Variants in CTBP2 observed in about 807,000 individuals in gnomAD.
The protein encoded by CTBP2 is C-terminal binding protein 2, also known as C-terminal-binding protein 2.
CTBP2 carries 30 observed loss-of-function variants against 80.3 expected under a neutral mutation model. The ratio of observed to expected loss-of-function variants is 0.37; its 90% CI spans 0.28 to 0.51. CTBP2 has a LOEUF of 0.51. Among genes scored for constraint, CTBP2 ranks in the 20% least tolerant of loss-of-function variants. The probability of loss-of-function intolerance (pLI) is 0.93; values close to 1 mark genes in which losing one functional copy is unlikely to be tolerated. For synonymous variants in CTBP2, 594 were observed against 587.4 expected, an observed-to-expected ratio of 1.01 and a Z score of -0.16; for missense variants, 1,212 against 1,375.3, an observed-to-expected ratio of 0.88 and a Z score of 1.88.
At chr10:125,087,006 G>A (rs1848086844) in intron 2 of CTBP2, among the ~76,000 whole-genome samples, 1 of 150,950 alleles carries the variant, frequency 6.6e-6, no homozygotes, top group South Asian at 2.1e-4. Flanking sequence ...AGTCTGAAGA[G>A]ATCATGAGCC....
At chr10:125,031,855 C>T (rs537443879), upstream of CTBP2, among the ~76,000 whole-genome samples, 2 of 152,336 alleles carry the variant, frequency 1.3e-5, no homozygotes, top group East Asian at 3.9e-4. Context: ...AGAGTGACGT[C>T]GAGTGTCTGA....
rs1178502230 is a variant in CTBP2 at position 124,989,191 on chromosome 10, G to A, written c.*327C>T. 2 of 309,832 alleles carry A rather than the reference G, an allele frequency of 6.5e-6. No individual in the cohort carries two copies. Among genetic ancestry groups the A allele is most frequent in the Non-Finnish European group, 1.2e-5 (2 of 162,628 alleles). The allele number at this position is 309,832 out of a possible 1,614,324, so 19.2% of individuals were successfully genotyped here. ...ACTCTTGATGCAACATTGTAGAGCA[G>A]GGTGTTCAGGACCTGCTGTGCCCAA... On this transcript the variant is annotated 3_prime_UTR_variant, in exon 9 of 9. Transcript: ENST00000309035.
intron 2 of CTBP2, among the ~76,000 whole-genome samples, chr10:125,054,744 T>C (rs1221431019): frequency 6.6e-6 from 1 of 152,222 alleles, no homozygotes; most frequent in African/African-American, 2.4e-5. Context: ...ACATTTGTAA[T>C]GCATGGCGTC....
intron 2 of CTBP2, among the ~76,000 whole-genome samples, chr10:125,095,055 A>AG (rs1469374298): frequency 1.3e-5 from 2 of 152,122 alleles, no homozygotes; most frequent in African/African-American, 2.4e-5. Context: ...GCTGACCCAC[A>AG]GCCAAGTGTG....
At chr10:125,031,487 T>TAAAAA (rs1445636888), upstream of CTBP2, among the ~76,000 whole-genome samples, 7 of 12,012 alleles carry the variant, frequency 5.8e-4, no homozygotes, top group Non-Finnish European at 1.3e-3. Flanking sequence ...AGACTCCATT[T>TAAAAA]CAAAAAAAAA....
At chr10:125,006,938 C>A (rs373278051) in intron 1 of CTBP2, among the ~76,000 whole-genome samples, 127 of 152,352 alleles carry the variant, frequency 8.3e-4, no homozygotes, top group African/African-American at 2.9e-3. Flanking sequence ...GACCACAAGG[C>A]TGACAAGAGT....
intron 2 of CTBP2, among the ~76,000 whole-genome samples, chr10:125,041,499 TC>T: frequency 3.3e-5 from 1 of 30,360 alleles, no homozygotes; most frequent in African/African-American, 9.8e-5. Flanking sequence ...CTTTTGTCCA[TC>T]CCCACCCCCC....
intron 1 of CTBP2, among the ~76,000 whole-genome samples, chr10:125,122,156 G>A (rs775826925): frequency 2.8e-4 from 43 of 152,184 alleles, no homozygotes; most frequent in Non-Finnish European, 5.7e-4. Context: ...TGATTCATGC[G>A]CATCAAGTCA....
chr10:125,132,311 G>A (rs1056679077), intron 1 of CTBP2, among the ~76,000 whole-genome samples: 16 of 152,140 alleles, frequency 1.1e-4, no homozygotes, highest in African/African-American at 1.7e-4. Context: ...AAAAAATGCC[G>A]TCAATTAAAC....
intron 4 of CTBP2, chr10:124,996,193 C>T (rs1039633533): frequency 6.6e-6 from 1 of 151,948 alleles, no homozygotes; most frequent in Non-Finnish European, 1.5e-5. Context: ...TCACAGCGCC[C>T]CCCCCGGCCC....
chr10:125,009,108 AC>A lies in CTBP2; in HGVS notation c.1679-5617del, dbSNP rs1955577524. ...GGGTGGACGTGTCAGGTTATAAATG[AC>A]CCTGTGTCCTTTGTTGGGTGAACTC... On this transcript the variant is annotated intron_variant, in intron 1 of 8. Transcript: ENST00000309035. 2.0e-5 allele frequency among the ~76,000 whole-genome samples: 3 copies of A among 152,170 alleles called. No individual in the cohort carries two copies. The South Asian group carries it at 6.2e-4, about 32-fold the overall frequency.
rs1334068526 is a variant in CTBP2, at chr10:124,988,038, A to AAGTC, written c.*1476_*1479dup. The AAGTC allele has an allele frequency of 6.6e-6, 1 of 152,338 alleles. No homozygotes were observed. The highest frequency in any genetic ancestry group is 1.5e-5 in the Non-Finnish European group (1 of 68,010). 9.4% of individuals were successfully genotyped at this position (152,338 alleles called of 1,614,324 possible). On this transcript the variant is annotated 3_prime_UTR_variant, in exon 9 of 9. Coordinates refer to ENST00000309035, the MANE Select transcript of CTBP2 (RefSeq NM_022802.3). ...GGTCATTTTGCTTTGGGGTAGATTA[A>AAGTC]AGTCAGAACTCTAAAAGTTGAGCAA...
At chr10:125,098,657 G>A (rs1152680) in intron 2 of CTBP2, among the ~76,000 whole-genome samples, 1,637 of 44,818 alleles carry the variant, frequency 0.037, 68 homozygotes, top group East Asian at 0.16. Context: ...TGGGGGAGGG[G>A]GAGAGAGAGA....
intron 5 of CTBP2, among the ~76,000 whole-genome samples, 190 bp downstream of exon 7, chr10:124,994,279 C>T (rs577527050): frequency 4.6e-5 from 7 of 152,348 alleles, no homozygotes; most frequent in Non-Finnish European, 1.0e-4. Flanking sequence ...GCCTGTCCTT[C>T]TCTGCTTAGC....
intron 1 of CTBP2, among the ~76,000 whole-genome samples, chr10:125,119,670 A>C (rs1441861744): frequency 6.6e-6 from 1 of 152,256 alleles, no homozygotes; most frequent in Non-Finnish European, 1.5e-5. Flanking sequence ...TAAGAGACAG[A>C]ATAGATCCAA....
At position 124,985,146 on chromosome 10, in the gene CTBP2, G is replaced by A; in HGVS notation, c.*4372C>T. 1.7e-6 allele frequency: 1 copy of A among 603,516 alleles called. No homozygotes were observed. The highest frequency in any genetic ancestry group is 2.2e-5 in the South Asian group (1 of 45,334). The allele number at this position is 603,516 out of a possible 1,614,324, so 37.4% of individuals were successfully genotyped here. A position where few individuals can be genotyped will look rare whatever the true frequency, so the allele number is the denominator to read the frequency against. On this transcript the variant is annotated 3_prime_UTR_variant, in exon 9 of 9. Coordinates refer to ENST00000309035, the MANE Select transcript of CTBP2 (RefSeq NM_022802.3). Reference sequence around the variant, plus strand: ...TTTCCTGGACCACACACACCTTATGGAGATAATGCCTCTGCTGCGTGAGGA... The same window carrying A: ...TTTCCTGGACCACACACACCTTATGAAGATAATGCCTCTGCTGCGTGAGGA...
intron 1 of CTBP2, among the ~76,000 whole-genome samples, chr10:125,154,727 G>A (rs1565063630): frequency 6.6e-6 from 1 of 152,214 alleles, no homozygotes; most frequent in Admixed American, 6.5e-5. Flanking sequence ...CACTTAAGGT[G>A]AGGGTTAGAA....
intron 1 of CTBP2, among the ~76,000 whole-genome samples, chr10:125,136,442 T>A (rs1490083018): frequency 1.3e-5 from 2 of 152,162 alleles, no homozygotes; most frequent in African/African-American, 2.4e-5. Context: ...AGGCCACCAC[T>A]CCAGAAAAGC....
chr10:124,993,770 A>G, intron 6 of CTBP2, 85 bp downstream of exon 8: 2 of 1,492,592 alleles, frequency 1.3e-6, no homozygotes, highest in South Asian at 1.3e-5. Context: ...CCTGTTTGGG[A>G]AAAGGGCCTC....
Sources: allele counts gnomAD v4.1 joint callset (sites outside exome capture counted in the v4.1 genomes callset), GRCh38; gene constraint gnomAD v4.1.1; transcripts MANE v1.5; gene names NCBI Gene and HGNC (gene_info 2026-07-23, HGNC 2026-07-21).